The following ZBTB7C variants were observed in gnomAD, a reference collection of about 807,000 sequenced individuals.
The protein encoded by ZBTB7C is zinc finger and BTB domain-containing protein 7C.
Under a neutral mutation model 25.7 loss-of-function variants are expected in ZBTB7C, and 8 were observed. The ratio of observed to expected loss-of-function variants is 0.31; its 90% confidence interval spans 0.18 to 0.56. ZBTB7C has a LOEUF of 0.56. Ranked by LOEUF, ZBTB7C falls within the 20% of genes least tolerant of loss-of-function variation. The pLI, the probability that ZBTB7C is intolerant of heterozygous loss-of-function variation, is 0.91. For synonymous variants in ZBTB7C, 394 were observed against 369.0 expected (o/e 1.07, Z -0.78); for missense variants, 824 against 855.2 (o/e 0.96, Z 0.46).
intron 2 of ZBTB7C, among the ~76,000 whole-genome samples, chr18:48,293,206 C>G: frequency 6.6e-6 from 1 of 152,178 alleles, no homozygotes; most frequent in East Asian, 1.9e-4. Context: ...GCTGGGAAGC[C>G]CAGGATCAAG....
chr18:48,152,201 A>G (rs1438176034), intron 3 of ZBTB7C, among the ~76,000 whole-genome samples: 1 of 152,210 alleles, frequency 6.6e-6, no homozygotes, highest in East Asian at 1.9e-4. Flanking sequence ...TGGGCTTCAG[A>G]GAATCCTTAA....
chr18:48,042,158 GTTGT>G (rs374181357), intron 3 of ZBTB7C, among the ~76,000 whole-genome samples: 1 of 152,196 alleles, frequency 6.6e-6, no homozygotes, highest in Non-Finnish European at 1.5e-5. Flanking sequence ...ATAGTCATGG[GTTGT>G]TTGTTAGTTT....
At chr18:48,036,458 C>T (rs1251976762) in intron 4 of ZBTB7C, among the ~76,000 whole-genome samples, 2 of 152,132 alleles carry the variant, frequency 1.3e-5, no homozygotes, top group East Asian at 3.9e-4. Flanking sequence ...GGGCAGGCCT[C>T]TCCAGCACCC....
intron 3 of ZBTB7C, among the ~76,000 whole-genome samples, chr18:48,088,638 G>C (rs1173760549): frequency 6.7e-6 from 1 of 149,420 alleles, no homozygotes; most frequent in African/African-American, 2.5e-5. Context: ...GACCAGCCTG[G>C]CCAACATGGT....
chr18:48,184,089 G>A (rs1028382667), intron 3 of ZBTB7C, among the ~76,000 whole-genome samples: 6 of 152,254 alleles, frequency 3.9e-5, no homozygotes, highest in African/African-American at 1.2e-4. Flanking sequence ...GGTTGTCCCA[G>A]GAGTTGGAAG....
At position 48,351,961 on chromosome 18, in the gene ZBTB7C, T is replaced by C. The variant is rs1237442877; in HGVS notation, c.-303-13563A>G. Among the ~76,000 whole-genome samples the C allele has an allele frequency of 2.0e-5, 3 of 152,114 alleles. No homozygotes were observed. In the East Asian group the frequency reaches 5.8e-4, roughly 29 times the overall value. Reference sequence around the variant, plus strand: ...ACCTGAGAGCCCTGATGACAGGAACTAGAGATACCCCACCCTCTGCCCAGC... The same window carrying C: ...ACCTGAGAGCCCTGATGACAGGAACCAGAGATACCCCACCCTCTGCCCAGC... On this transcript the variant is annotated intron_variant, in intron 1 of 4. Transcript: ENST00000590800.
At chr18:48,131,971 AC>A (rs1246722172) in intron 3 of ZBTB7C, among the ~76,000 whole-genome samples, 3 of 152,346 alleles carry the variant, frequency 2.0e-5, no homozygotes, top group African/African-American at 7.2e-5. Flanking sequence ...CTGTAAAAAA[AC>A]ATTCTGGTAG....
intron 2 of ZBTB7C, among the ~76,000 whole-genome samples, chr18:48,253,949 T>C (rs1308068733): frequency 4.6e-5 from 7 of 152,188 alleles, no homozygotes; most frequent in African/African-American, 1.7e-4. Context: ...AATTGCTTGT[T>C]TTTTAGATCC....
At chr18:48,264,502 T>C (rs1352523708) in intron 2 of ZBTB7C, among the ~76,000 whole-genome samples, 2 of 152,148 alleles carry the variant, frequency 1.3e-5, no homozygotes, top group Non-Finnish European at 2.9e-5. Flanking sequence ...TGGGGTCTTC[T>C]GAGAGGCTGG....
intron 2 of ZBTB7C, among the ~76,000 whole-genome samples, chr18:48,199,751 C>G (rs2042394004): frequency 6.6e-6 from 1 of 152,088 alleles, no homozygotes; most frequent in Admixed American, 6.5e-5. Flanking sequence ...TACTTCACCA[C>G]CATTTATAGT....
intron 1 of ZBTB7C, among the ~76,000 whole-genome samples, chr18:48,393,047 G>A (rs1055167685): frequency 1.5e-4 from 23 of 152,208 alleles, no homozygotes; most frequent in Non-Finnish European, 1.5e-4. Flanking sequence ...AGTGAGAACT[G>A]GAAGTGGTTT....
chr18:48,325,735 C>T (rs2046202407), intron 2 of ZBTB7C, among the ~76,000 whole-genome samples: 1 of 152,158 alleles, frequency 6.6e-6, no homozygotes, highest in Admixed American at 6.5e-5. Flanking sequence ...CTTGTAGAAC[C>T]ACGGAATGTC....
chr18:48,035,907 T>C (rs1449100265), intron 4 of ZBTB7C, among the ~76,000 whole-genome samples: 1 of 152,148 alleles, frequency 6.6e-6, no homozygotes, highest in Non-Finnish European at 1.5e-5. Flanking sequence ...TGTTTCTGTG[T>C]CCCAAGTCAG....
chr18:48,396,191 A>T (rs1024649724), intron 1 of ZBTB7C, among the ~76,000 whole-genome samples: 8 of 152,348 alleles, frequency 5.3e-5, no homozygotes, highest in African/African-American at 1.7e-4. Context: ...TTCCAATGGC[A>T]GGCAAGGACA....
At position 48,039,908 on chromosome 18, in the gene ZBTB7C, G is replaced by A. The variant is rs1347814731; in HGVS notation, c.1200C>T (p.Arg400=). ...AGGGCTGCCATGCGCACCTGGTGAA[G>A]CGGACCTCGCAGATGGTGCACATGT... ...KPYMCTICEV[R]FTRQDKLKIH... The change falls in exon 4 of 5, where the codon CGC becomes CGT. Residue 400 remains arginine (R), a synonymous_variant. Transcript: ENST00000590800. 6.2e-7 allele frequency: 1 copy of A among 1,612,084 alleles called. No homozygotes were observed. Among genetic ancestry groups the A allele is most frequent in the Non-Finnish European group, 8.5e-7 (1 of 1,180,030 alleles).
chr18:48,155,489 G>A (rs1453283437), intron 3 of ZBTB7C, among the ~76,000 whole-genome samples: 7 of 149,698 alleles, frequency 4.7e-5, no homozygotes, highest in South Asian at 2.1e-4. Context: ...CACTACACCC[G>A]GCTAATTTTT....
intron 3 of ZBTB7C, among the ~76,000 whole-genome samples, chr18:48,098,259 C>T (rs1598874541): frequency 6.6e-6 from 1 of 152,154 alleles, no homozygotes; most frequent in Non-Finnish European, 1.5e-5. Context: ...GAGGGAGACG[C>T]CAGCAGCTTC....
chr18:48,215,483 GACA>G (rs2042801749), intron 2 of ZBTB7C, among the ~76,000 whole-genome samples: 1 of 152,158 alleles, frequency 6.6e-6, no homozygotes, highest in Non-Finnish European at 1.5e-5. Flanking sequence ...AGAAATGTGG[GACA>G]ACTTGAAGCA....
intron 3 of ZBTB7C, among the ~76,000 whole-genome samples, chr18:48,074,457 T>C (rs190149217): frequency 6.5e-4 from 99 of 152,304 alleles, no homozygotes; most frequent in African/African-American, 1.7e-3. Context: ...TGGTACACAG[T>C]AGGTGCTCAG....
Sources: allele counts gnomAD v4.1 joint callset (sites outside exome capture counted in the v4.1 genomes callset), GRCh38; gene constraint gnomAD v4.1.1; transcripts MANE v1.5; gene names NCBI Gene and HGNC (gene_info 2026-07-23, HGNC 2026-07-21).